STAG1: variants seen among roughly 807,000 people sequenced by gnomAD.
STAG1 encodes cohesin subunit SA-1.
In STAG1, 26 loss-of-function variants were observed where a neutral mutation model predicts 170.9. The observed-to-expected ratio is 0.15, with a 90% CI of 0.11 to 0.21. STAG1 has a LOEUF of 0.21. Among genes scored for constraint, STAG1 ranks in the 10% least tolerant of loss-of-function variants. The pLI, the probability that STAG1 is intolerant of heterozygous loss-of-function variation, is 1.00. For missense variants in STAG1, 964 were observed against 1,509.5 expected, an observed-to-expected ratio of 0.64 and a Z score of 5.99; for synonymous variants, 514 against 497.7, an observed-to-expected ratio of 1.03 and a Z score of -0.44.
chr3:136,546,042 C>T (rs1199241400), intron 5 of STAG1, among the ~76,000 whole-genome samples: 1 of 152,036 alleles, frequency 6.6e-6, no homozygotes, highest in African/African-American at 2.4e-5. Context: ...GAAACTTTAC[C>T]AAATACTAGA....
chr3:136,373,227 A>G (rs1007545581), intron 23 of STAG1, among the ~76,000 whole-genome samples: 2 of 151,298 alleles, frequency 1.3e-5, no homozygotes, highest in African/African-American at 4.9e-5. Flanking sequence ...CGTCTATTTG[A>G]TTCTTCTCTC....
intron 1 of STAG1, among the ~76,000 whole-genome samples, chr3:136,747,415 A>C (rs1934998956): frequency 6.6e-6 from 1 of 152,168 alleles, no homozygotes; most frequent in African/African-American, 2.4e-5. Context: ...TCGGCCACAC[A>C]CACTGGCTCA....
chr3:136,492,995 A>C (rs1050060589), intron 9 of STAG1, among the ~76,000 whole-genome samples: 5 of 152,186 alleles, frequency 3.3e-5, no homozygotes, highest in Admixed American at 2.0e-4. Context: ...AGAGCTTATA[A>C]GGGGAGTTGA....
chr3:136,550,324 T>C (rs75462015), intron 5 of STAG1, among the ~76,000 whole-genome samples: 2 of 152,084 alleles, frequency 1.3e-5, no homozygotes, highest in African/African-American at 4.8e-5. Flanking sequence ...TTTTTTTTTT[T>C]TGAGACAGAG....
chr3:136,548,570 T>C (rs569791490), intron 5 of STAG1, among the ~76,000 whole-genome samples: 4 of 152,324 alleles, frequency 2.6e-5, no homozygotes, highest in Non-Finnish European at 4.4e-5. Context: ...AAAAATCCCA[T>C]TGGAATTTTG....
At chr3:136,469,540 G>A (rs1239519971) in intron 12 of STAG1, among the ~76,000 whole-genome samples, 13 of 152,258 alleles carry the variant, frequency 8.5e-5, no homozygotes, top group Non-Finnish European at 1.3e-4. Context: ...AATCAATATC[G>A]TGAAAATGGC....
intron 4 of STAG1, chr3:136,591,537 A>T (rs1369307578): frequency 2.3e-6 from 1 of 441,606 alleles, no homozygotes; most frequent in East Asian, 7.3e-5. Context: ...ACCTATTTGA[A>T]AGGTCAACAT....
chr3:136,542,101 A>C lies in STAG1; in HGVS notation c.471+18T>G. 6.3e-7 allele frequency: 1 copy of C among 1,579,682 alleles called. No homozygotes were observed. The highest frequency in any genetic ancestry group is 2.2e-5 in the East Asian group (1 of 44,552). ...AAAGTATAAGTAAGCAATTTGTATGAATATTGGAATGCTATACCTCATCAA... is the reference window on the plus strand; with the variant it reads ...AAAGTATAAGTAAGCAATTTGTATGCATATTGGAATGCTATACCTCATCAA... On this transcript the variant is annotated intron_variant, in intron 6 of 33. Coordinates refer to ENST00000383202, the MANE Select transcript of STAG1 (RefSeq NM_005862.3).
intron 3 of STAG1, among the ~76,000 whole-genome samples, chr3:136,614,947 G>C (rs1052862586): frequency 1.3e-5 from 2 of 152,074 alleles, no homozygotes; most frequent in African/African-American, 4.8e-5. Context: ...AAAAGATAAA[G>C]AGATAAATAC....
At chr3:136,395,082 G>A (rs1037163408) in intron 22 of STAG1, among the ~76,000 whole-genome samples, 2 of 151,886 alleles carry the variant, frequency 1.3e-5, no homozygotes, top group African/African-American at 4.8e-5. Context: ...CAACCAGGGT[G>A]AGACCCTGTC....
intron 4 of STAG1, among the ~76,000 whole-genome samples, chr3:136,573,946 TG>T (rs1322103258): frequency 1.3e-4 from 19 of 149,416 alleles, no homozygotes; most frequent in Admixed American, 1.2e-3. Flanking sequence ...ACTCCAGCCT[TG>T]GCCCCAGAGT....
At chr3:136,684,390 C>G (rs1343199896) in intron 1 of STAG1, among the ~76,000 whole-genome samples, 1 of 152,154 alleles carries the variant, frequency 6.6e-6, no homozygotes, top group Non-Finnish European at 1.5e-5. Flanking sequence ...ATACAGTCAA[C>G]TGATCTTTGA....
chr3:136,694,613 TAA>T (rs386398002), intron 1 of STAG1, among the ~76,000 whole-genome samples: 103 of 135,280 alleles, frequency 7.6e-4, no homozygotes, highest in African/African-American at 2.6e-3. Context: ...CCCATCTCTT[TAA>T]AAAAAAAAAA....
rs1011477881 is a variant in STAG1 at position 136,420,436 on chromosome 3, A to G, written c.2108+657T>C. ...GGTCTCAAACTCGTGGGGCTCAAGC[A>G]ATCCACCTCCCTTGGCTTCCCAAAG... On this transcript the variant is annotated intron_variant, in intron 20 of 33. Coordinates refer to ENST00000383202, the MANE Select transcript of STAG1 (RefSeq NM_005862.3). Among the ~76,000 whole-genome samples the G allele has an allele frequency of 2.6e-5, 4 of 152,014 alleles. No individual in the cohort carries two copies. In the South Asian group the frequency reaches 8.3e-4, roughly 32 times the overall value.
At chr3:136,651,766 C>T (rs969115826) in intron 1 of STAG1, among the ~76,000 whole-genome samples, 5 of 152,144 alleles carry the variant, frequency 3.3e-5, no homozygotes, top group African/African-American at 9.7e-5. Flanking sequence ...AAACTTGGAA[C>T]GCTGCCCAAT....
intron 28 of STAG1, among the ~76,000 whole-genome samples, chr3:136,357,097 G>A (rs1180330347): frequency 6.6e-6 from 1 of 151,896 alleles, no homozygotes; most frequent in Non-Finnish European, 1.5e-5. Flanking sequence ...ACAGGCACCC[G>A]CCACCACGCC....
chr3:136,579,559 G>A (rs187753346), intron 4 of STAG1, among the ~76,000 whole-genome samples: 15 of 152,348 alleles, frequency 9.8e-5, no homozygotes, highest in Non-Finnish European at 1.9e-4. Context: ...AATGGCTAGA[G>A]ACAAACCTCA....
At chr3:136,459,089 G>A (rs2089200464) in intron 13 of STAG1, among the ~76,000 whole-genome samples, 3 of 151,940 alleles carry the variant, frequency 2.0e-5, no homozygotes, top group Admixed American at 6.6e-5. Flanking sequence ...GTGGTGACAC[G>A]TGCCTGCAGT....
At chr3:136,349,771 C>T (rs1041898377) in intron 28 of STAG1, among the ~76,000 whole-genome samples, 1 of 152,194 alleles carries the variant, frequency 6.6e-6, no homozygotes, top group African/African-American at 2.4e-5. Context: ...AGCAAAACAA[C>T]ATTTTAACTA....
Sources: gnomAD v4.1 joint callset for allele counts (sites outside exome capture counted in the v4.1 genomes callset) on GRCh38, gnomAD v4.1.1 for gene constraint, MANE v1.5 for transcripts, NCBI Gene and HGNC (gene_info 2026-07-23, HGNC 2026-07-21) for gene names.